The following SAMD12 variants were observed in gnomAD, a reference collection of about 807,000 sequenced individuals.
SAMD12 encodes sterile alpha motif domain containing 12.
A neutral mutation model predicts 15.0 loss-of-function variants in SAMD12; 9 were observed. That is an observed-to-expected ratio of 0.60 (90% confidence interval 0.36 to 1.05). SAMD12 has a LOEUF of 1.05. Ranked by LOEUF, SAMD12 falls within the 50% of genes least tolerant of loss-of-function variation. The probability of loss-of-function intolerance (pLI) is 0.01; values close to 1 mark genes in which losing one functional copy is unlikely to be tolerated. For missense variants in SAMD12, 230 were observed against 234.2 expected, an observed-to-expected ratio of 0.98 and a Z score of 0.12; for synonymous variants, 86 against 90.1, an observed-to-expected ratio of 0.96 and a Z score of 0.25.
At chr8:118,160,406 G>A in the SAMD12 span, among the ~76,000 whole-genome samples, 5 of 152,014 alleles carry the variant, frequency 3.3e-5, no homozygotes, top group South Asian at 2.1e-4. Context: ...TTTTCAAAAC[G>A]AAAAACAAAA....
intron 4 of SAMD12, among the ~76,000 whole-genome samples, chr8:118,268,120 A>G (rs983276232): frequency 6.6e-6 from 1 of 152,028 alleles, no homozygotes; most frequent in Non-Finnish European, 1.5e-5. Context: ...AAGAAATCCT[A>G]CAACATCCCT....
At chr8:118,368,795 C>T (rs1818932679) in intron 4 of SAMD12, among the ~76,000 whole-genome samples, 1 of 152,204 alleles carries the variant, frequency 6.6e-6, no homozygotes, top group Non-Finnish European at 1.5e-5. Flanking sequence ...CTCGCTAGCA[C>T]TATGCAAAGT....
intron 2 of SAMD12, among the ~76,000 whole-genome samples, chr8:118,564,544 C>G (rs1370154719): frequency 1.3e-5 from 2 of 152,208 alleles, no homozygotes; most frequent in East Asian, 3.8e-4. Flanking sequence ...CTGACAGTCT[C>G]TCTGTCTGGT....
the SAMD12 span, among the ~76,000 whole-genome samples, chr8:118,137,085 T>C: frequency 1.3e-5 from 2 of 151,812 alleles, no homozygotes; most frequent in Non-Finnish European, 1.5e-5. Context: ...AGAGTGGGAG[T>C]GGGCTGAGCA....
chr8:118,236,449 T>C (rs1409342144), intron 4 of SAMD12, among the ~76,000 whole-genome samples: 7 of 152,164 alleles, frequency 4.6e-5, no homozygotes, highest in Middle Eastern at 3.2e-3. Context: ...TTACCAAGTG[T>C]GAGGCCTAAA....
chr8:118,576,773 G>GAT (rs1390333420), intron 2 of SAMD12, among the ~76,000 whole-genome samples: 1 of 152,142 alleles, frequency 6.6e-6, no homozygotes, highest in Non-Finnish European at 1.5e-5. Flanking sequence ...AGACTAGAAG[G>GAT]ATATAAATGA....
intron 1 of SAMD12, among the ~76,000 whole-genome samples, chr8:118,594,892 A>G (rs923862050): frequency 6.6e-6 from 1 of 152,324 alleles, no homozygotes; most frequent in East Asian, 1.9e-4. Context: ...CTATTCCAAC[A>G]TATACCTGTA....
intron 2 of SAMD12, among the ~76,000 whole-genome samples, chr8:118,457,290 G>A (rs1823287358): frequency 6.6e-6 from 1 of 151,024 alleles, no homozygotes; most frequent in Non-Finnish European, 1.5e-5. Flanking sequence ...GAGTGCGGTG[G>A]CATGATCATC....
intron 2 of SAMD12, among the ~76,000 whole-genome samples, chr8:118,524,376 C>A (rs1297783977): frequency 2.0e-5 from 3 of 152,120 alleles, no homozygotes; most frequent in Non-Finnish European, 4.4e-5. Context: ...CATGACTCAC[C>A]TCCCTTCCCT....
chr8:118,173,873 G>T, the SAMD12 span, among the ~76,000 whole-genome samples: 1 of 152,030 alleles, frequency 6.6e-6, no homozygotes, highest in Non-Finnish European at 1.5e-5. Context: ...CGGGTGATCT[G>T]CCTGCCTTGG....
chr8:118,172,695 A>G, the SAMD12 span, among the ~76,000 whole-genome samples: 4 of 152,244 alleles, frequency 2.6e-5, no homozygotes, highest in African/African-American at 9.6e-5. Flanking sequence ...CCGTTACCAC[A>G]GAGTAATAAA....
Position 118,379,157 on chromosome 8 carries a change from C to T in SAMD12, c.*260G>A. ...ATTGAATCACTCAAATGCTAAAGCG[C>T]CCTCACAATTGGCGCAGGTGAAGAT... is the stretch of plus-strand genomic sequence containing the variant. On this transcript the variant is annotated 3_prime_UTR_variant, in exon 4 of 4. Transcript: ENST00000314727. 1 of 1,214,126 alleles carries T rather than the reference C, an allele frequency of 8.2e-7. No homozygotes were observed. Among genetic ancestry groups the T allele is most frequent in the Non-Finnish European group, 1.0e-6 (1 of 971,582 alleles). 75.2% of individuals were successfully genotyped at this position (1,214,126 alleles called of 1,614,324 possible).
chr8:118,203,967 A>G (rs1819790108), intron 4 of SAMD12, among the ~76,000 whole-genome samples: 1 of 151,634 alleles, frequency 6.6e-6, no homozygotes, highest in Non-Finnish European at 1.5e-5. Flanking sequence ...AGCCAAATAT[A>G]TCACTCCCAA....
At chr8:118,280,172 T>C (rs772136983) in intron 4 of SAMD12, among the ~76,000 whole-genome samples, 1 of 152,258 alleles carries the variant, frequency 6.6e-6, no homozygotes, top group Non-Finnish European at 1.5e-5. Context: ...CATAACATTT[T>C]CTTTAGCTGA....
At chr8:118,320,584 G>T (rs1317364220) in intron 4 of SAMD12, among the ~76,000 whole-genome samples, 2 of 145,136 alleles carry the variant, frequency 1.4e-5, no homozygotes, top group Non-Finnish European at 3.0e-5. Context: ...ACCAAACACT[G>T]CATGTTCTCA....
chr8:118,491,037 G>C (rs775547412), intron 2 of SAMD12, among the ~76,000 whole-genome samples: 1 of 151,948 alleles, frequency 6.6e-6, no homozygotes, highest in African/African-American at 2.4e-5. Context: ...CCATTGCCCC[G>C]GGGAAAAATA....
chr8:118,282,134 C>T (rs1333497047), intron 4 of SAMD12: 10 of 355,222 alleles, frequency 2.8e-5, no homozygotes, highest in Non-Finnish European at 5.0e-5. Flanking sequence ...CTTCCATTTT[C>T]TCATCTGACC....
At chr8:118,413,785 C>G (rs1201123124) in intron 3 of SAMD12, among the ~76,000 whole-genome samples, 2 of 152,220 alleles carry the variant, frequency 1.3e-5, no homozygotes, top group African/African-American at 4.8e-5. Context: ...AAAGAAGAAG[C>G]TATAGCTCTT....
At chr8:118,289,787 C>T (rs906102976) in intron 4 of SAMD12, among the ~76,000 whole-genome samples, 7 of 152,140 alleles carry the variant, frequency 4.6e-5, no homozygotes, top group Non-Finnish European at 5.9e-5. Context: ...TTAGTGTGCT[C>T]TTAATTAATT....
Sources: gnomAD v4.1 joint callset for allele counts (sites outside exome capture counted in the v4.1 genomes callset) on GRCh38, gnomAD v4.1.1 for gene constraint, MANE v1.5 for transcripts, NCBI Gene and HGNC (gene_info 2026-07-23, HGNC 2026-07-21) for gene names.